PRICKLE1: variants seen among roughly 807,000 people sequenced by gnomAD.
PRICKLE1 encodes the protein prickle planar cell polarity protein 1.
In PRICKLE1, 14 loss-of-function variants were observed where a neutral mutation model predicts 70.2. That is an observed-to-expected ratio of 0.20 (90% CI 0.13 to 0.31). The LOEUF (loss-of-function observed/expected upper bound fraction) is 0.31. PRICKLE1 is among the 10% of genes least tolerant of loss of function. PRICKLE1 has a pLI of 1.00. For missense variants in PRICKLE1, 821 were observed against 1,026.2 expected (o/e 0.80, Z 2.73); for synonymous variants, 357 against 379.9 (o/e 0.94, Z 0.70).
intron 1 of PRICKLE1, among the ~76,000 whole-genome samples, chr12:42,546,691 T>G (rs377230447): frequency 6.6e-6 from 1 of 152,166 alleles, no homozygotes; most frequent in South Asian, 2.1e-4. Flanking sequence ...GAGGTGGTGG[T>G]TGCAGTGAGC....
chr12:42,508,535 A>G (rs1332197897), intron 1 of PRICKLE1, among the ~76,000 whole-genome samples: 1 of 152,238 alleles, frequency 6.6e-6, no homozygotes, highest in Non-Finnish European at 1.5e-5. Flanking sequence ...TTAGAAATGT[A>G]AAATTCATCA....
chr12:42,537,335 A>C (rs770347874), intron 1 of PRICKLE1, among the ~76,000 whole-genome samples: 4 of 151,606 alleles, frequency 2.6e-5, no homozygotes, highest in Non-Finnish European at 5.9e-5. Context: ...ATTTAAAAAA[A>C]AATTTTTTTT....
At chr12:42,557,633 A>G (rs1465766043) in intron 1 of PRICKLE1, among the ~76,000 whole-genome samples, 1 of 152,216 alleles carries the variant, frequency 6.6e-6, no homozygotes, top group Non-Finnish European at 1.5e-5. Context: ...AGGAGTTAGA[A>G]AAGGCCTGGA....
rs58449125 is a variant in PRICKLE1 at position 42,533,213 on chromosome 12, CTT to C, written c.-49+56250_-49+56251del. 5.6e-4 allele frequency among the ~76,000 whole-genome samples: 80 copies of C among 142,896 alleles called. 1 individual carries two copies. Among genetic ancestry groups the C allele is most frequent in the African/African-American group, 1.7e-3 (68 of 39,136 alleles). 93.7% of individuals were successfully genotyped at this position (142,896 alleles called of 152,430 possible). ...TTCTGGGGATAGATTTTTTTTTCTT[CTT>C]TTTTTTTTTTCTGTATTTTTTACCC... On this transcript the variant is annotated intron_variant, in intron 1 of 7. Transcript: ENST00000345127.
At chr12:42,541,512 A>AT (rs1314440137) in intron 1 of PRICKLE1, among the ~76,000 whole-genome samples, 10 of 151,462 alleles carry the variant, frequency 6.6e-5, no homozygotes, top group African/African-American at 2.4e-4. Flanking sequence ...TAATTTTTAC[A>AT]TTTTTTGTAG....
chr12:42,545,401 A>C (rs1940190150), intron 1 of PRICKLE1, among the ~76,000 whole-genome samples: 1 of 152,264 alleles, frequency 6.6e-6, no homozygotes, highest in Admixed American at 6.5e-5. Flanking sequence ...ATCCAAATGC[A>C]CAAAGCCATG....
At chr12:42,541,113 A>G (rs958388557) in intron 1 of PRICKLE1, among the ~76,000 whole-genome samples, 16 of 152,186 alleles carry the variant, frequency 1.1e-4, no homozygotes, top group Non-Finnish European at 2.4e-4. Flanking sequence ...ATATACAAAT[A>G]CAGTTGGTAA....
chr12:42,462,373 G>C (rs575975930), intron 7 of PRICKLE1, among the ~76,000 whole-genome samples: 1 of 151,946 alleles, frequency 6.6e-6, no homozygotes, highest in South Asian at 2.1e-4. Context: ...GCTAATTTTC[G>C]TATTTTTAGT....
chr12:42,580,025 C>T (rs531543811), intron 1 of PRICKLE1, among the ~76,000 whole-genome samples: 1 of 152,186 alleles, frequency 6.6e-6, no homozygotes, highest in African/African-American at 2.4e-5. Flanking sequence ...GCACCCGCCA[C>T]CACGTCCAGC....
At chr12:42,498,434 A>G (rs1029106174) in intron 1 of PRICKLE1, among the ~76,000 whole-genome samples, 2 of 152,084 alleles carry the variant, frequency 1.3e-5, no homozygotes, top group East Asian at 3.8e-4. Flanking sequence ...TTGGCCTCCC[A>G]AAGTGTTGGG....
At chr12:42,527,973 C>CATATATATA (rs1939843891) in intron 1 of PRICKLE1, among the ~76,000 whole-genome samples, 4 of 10,458 alleles carry the variant, frequency 3.8e-4, no homozygotes, top group Non-Finnish European at 4.6e-4. Context: ...ATATATATAT[C>CATATATATA]TCCAAAGTTT....
intron 1 of PRICKLE1, among the ~76,000 whole-genome samples, chr12:42,473,258 G>A (rs933975475): frequency 6.6e-6 from 1 of 152,226 alleles, no homozygotes; most frequent in African/African-American, 2.4e-5. Flanking sequence ...ACTGAATACA[G>A]TACTATGTGA....
chr12:42,457,048 G>A lies in PRICKLE1; in HGVS notation c.*2761C>T, dbSNP rs1193926870. 3 of 152,072 alleles carry A rather than the reference G, an allele frequency of 2.0e-5. No homozygotes were observed. The highest frequency in any genetic ancestry group is 7.3e-5 in the African/African-American group (3 of 41,348). The allele number at this position is 152,072 out of a possible 1,614,324, so 9.4% of individuals were successfully genotyped here. The stretch of plus-strand genomic sequence containing the variant: ...AAAAATTAGCCGAGCATGGTGGCAG[G>A]CACCTGTAATCTCAGCTACTCCGGA... On this transcript the variant is annotated 3_prime_UTR_variant, in exon 8 of 8. Coordinates refer to ENST00000345127, the MANE Select transcript of PRICKLE1 (RefSeq NM_153026.3).
At chr12:42,547,258 A>G (rs1471425702) in intron 1 of PRICKLE1, among the ~76,000 whole-genome samples, 1 of 152,218 alleles carries the variant, frequency 6.6e-6, no homozygotes, top group Non-Finnish European at 1.5e-5. Context: ...GGAGGAAGTG[A>G]TGTATGGTGG....
At chr12:42,583,236 TTA>T (rs1318872843) in intron 1 of PRICKLE1, among the ~76,000 whole-genome samples, 2 of 152,060 alleles carry the variant, frequency 1.3e-5, no homozygotes, top group Non-Finnish European at 2.9e-5. Flanking sequence ...GAAAAAGGTT[TTA>T]ATAGACTTTC....
At chr12:42,579,781 C>A (rs527353584) in intron 1 of PRICKLE1, among the ~76,000 whole-genome samples, 2 of 152,054 alleles carry the variant, frequency 1.3e-5, no homozygotes, top group African/African-American at 4.8e-5. Flanking sequence ...AATAATAAAA[C>A]CTCCCCCAAA....
intron 5 of PRICKLE1, among the ~76,000 whole-genome samples, chr12:42,467,549 T>C (rs1222749423): frequency 6.6e-6 from 1 of 151,808 alleles, no homozygotes; most frequent in East Asian, 1.9e-4. Context: ...GAGACCAGCC[T>C]GGCCAACATG....
At chr12:42,568,211 A>G (rs931780662) in intron 1 of PRICKLE1, among the ~76,000 whole-genome samples, 5 of 152,148 alleles carry the variant, frequency 3.3e-5, no homozygotes, top group African/African-American at 9.7e-5. Context: ...GTCTGGCTCT[A>G]TTGCCCAGGC....
chr12:42,532,001 A>G (rs1210193982), intron 1 of PRICKLE1, among the ~76,000 whole-genome samples: 1 of 152,070 alleles, frequency 6.6e-6, no homozygotes, highest in Non-Finnish European at 1.5e-5. Flanking sequence ...CTACCAAAAA[A>G]ATAAATAAAT....
Sources: gnomAD v4.1 joint callset for allele counts (sites outside exome capture counted in the v4.1 genomes callset) on GRCh38, gnomAD v4.1.1 for gene constraint, MANE v1.5 for transcripts, NCBI Gene and HGNC (gene_info 2026-07-23, HGNC 2026-07-21) for gene names.